Variants in CAV1 observed in about 807,000 individuals in gnomAD.
The protein encoded by CAV1 is caveolin-1.
In CAV1, 10 loss-of-function variants were observed where a neutral mutation model predicts 16.5. The ratio of observed to expected loss-of-function variants is 0.61; its 90% CI spans 0.37 to 1.03. CAV1 has a LOEUF of 1.03. Ranked by LOEUF, CAV1 falls within the 50% of genes least tolerant of loss-of-function variation. The probability of loss-of-function intolerance (pLI) is 0.01; values close to 1 mark genes in which losing one functional copy is unlikely to be tolerated. For synonymous variants in CAV1, 76 were observed against 85.1 expected (o/e 0.89, Z 0.59); for missense variants, 212 against 232.8 (o/e 0.91, Z 0.58).
chr7:116,525,080 C>T lies in CAV1; in HGVS notation c.18C>T (p.Tyr6=), dbSNP rs1182107606. The change falls in exon 1 of 3, where the codon TAC becomes TAT. Residue 6 remains tyrosine, a synonymous_variant. Coordinates refer to ENST00000341049, the MANE Select transcript of CAV1 (RefSeq NM_001753.5). ...GGGCCAGCATGTCTGGGGGCAAATA[C>T]GTAGACTCGGAGGTAGGCATCCGTG... MSGGK[Y]VDSEGHLYTV... The T allele has an allele frequency of 2.5e-6, 4 of 1,614,092 alleles. No homozygotes were observed. Among genetic ancestry groups the T allele is most frequent in the African/African-American group, 2.7e-5 (2 of 74,918 alleles).
chr7:116,543,430 A>C (rs542686226), intron 2 of CAV1, among the ~76,000 whole-genome samples: 78 of 152,334 alleles, frequency 5.1e-4, no homozygotes, highest in Non-Finnish European at 7.1e-4. Context: ...ATGCAAAAGG[A>C]CCACAAATAA....
intron 2 of CAV1, 49 bp from the exon 3 acceptor site, chr7:116,558,897 T>TC: frequency 7.1e-7 from 1 of 1,406,144 alleles, no homozygotes. Flanking sequence ...GGGTTTTTTT[T>TC]CTCTTTTCTT....
chr7:116,540,123 T>C (rs1215707974), intron 2 of CAV1, among the ~76,000 whole-genome samples: 1 of 152,208 alleles, frequency 6.6e-6, no homozygotes, highest in Non-Finnish European at 1.5e-5. Flanking sequence ...AGCTCTGAGA[T>C]TTTGTGTGCT....
At chr7:116,535,008 C>A (rs1183142716) in intron 2 of CAV1, among the ~76,000 whole-genome samples, 1 of 152,156 alleles carries the variant, frequency 6.6e-6, no homozygotes, top group Non-Finnish European at 1.5e-5. Context: ...TTCTCCATCC[C>A]TTCAGGCTAC....
intron 2 of CAV1, chr7:116,526,941 G>A (rs1793577488): frequency 1.8e-6 from 1 of 552,720 alleles, no homozygotes; most frequent in South Asian, 2.0e-5. Flanking sequence ...GAGTTTTGTA[G>A]AAGTTCCTAT....
intron 2 of CAV1, among the ~76,000 whole-genome samples, chr7:116,537,265 C>T (rs1015347098): frequency 4.0e-5 from 6 of 151,892 alleles, no homozygotes; most frequent in Non-Finnish European, 4.4e-5. Context: ...CTGCATCCTG[C>T]GCTTGTCAGA....
At chr7:116,549,562 T>G (rs1236958361) in intron 2 of CAV1, among the ~76,000 whole-genome samples, 1 of 152,092 alleles carries the variant, frequency 6.6e-6, no homozygotes, top group Non-Finnish European at 1.5e-5. Context: ...TTTATTGTTT[T>G]TATTTATTTT....
intron 2 of CAV1, among the ~76,000 whole-genome samples, chr7:116,533,127 G>A (rs1239748398): frequency 6.6e-6 from 1 of 152,062 alleles, no homozygotes; most frequent in African/African-American, 2.4e-5. Context: ...GGATCATGAG[G>A]TTAGGAGAGC....
chr7:116,525,944 G>A (rs1404451042), intron 1 of CAV1: 4 of 631,314 alleles, frequency 6.3e-6, no homozygotes, highest in Non-Finnish European at 7.9e-6. Flanking sequence ...GCAGGGTGGG[G>A]GGCGCGGGCA....
intron 2 of CAV1, among the ~76,000 whole-genome samples, chr7:116,558,434 A>G (rs1229114732): frequency 6.6e-6 from 1 of 152,166 alleles, no homozygotes; most frequent in Non-Finnish European, 1.5e-5. Flanking sequence ...GAGAGATAAT[A>G]AGGTCCAAGG....
chr7:116,553,149 G>T (rs1187432380), intron 2 of CAV1, among the ~76,000 whole-genome samples: 1 of 152,046 alleles, frequency 6.6e-6, no homozygotes, highest in African/African-American at 2.4e-5. Flanking sequence ...AAAATAAAAT[G>T]TCCAGATTTT....
Position 116,560,974 on chromosome 7 carries a change from A to G in CAV1, c.*1687A>G, listed in dbSNP as rs1794398600. The G allele has an allele frequency of 1.3e-5, 2 of 152,676 alleles. No homozygotes were observed. The allele number at this position is 152,676 out of a possible 1,614,324, so 9.5% of individuals were successfully genotyped here. ...TATCTTTATATGAAGAAAATCACTT[A>G]GGAAATGGCTTTGTGATTCAATCTG... On this transcript the variant is annotated 3_prime_UTR_variant, in exon 3 of 3. Coordinates refer to ENST00000341049, the MANE Select transcript of CAV1 (RefSeq NM_001753.5).
At chr7:116,533,151 C>A (rs1467972463) in intron 2 of CAV1, among the ~76,000 whole-genome samples, 1 of 151,976 alleles carries the variant, frequency 6.6e-6, no homozygotes, top group Non-Finnish European at 1.5e-5. Context: ...ATCATCCTGG[C>A]CAACACGGTG....
Position 116,526,554 on chromosome 7 carries a change from A to G in CAV1, c.60A>G (p.Glu20=), listed in dbSNP as rs368064633. The part of the protein sequence containing the change: ...EGHLYTVPIR[E]QGNIYKPNNK... Reference sequence around the variant, plus strand: ...ATCTCTACACCGTTCCCATCCGGGAACAGGGCAACATCTACAAGCCCAACA... The same window carrying G: ...ATCTCTACACCGTTCCCATCCGGGAGCAGGGCAACATCTACAAGCCCAACA... Residue 20 remains glutamate (E), a synonymous_variant, in exon 2 of 3, where the codon GAA becomes GAG. Transcript: ENST00000341049. 4 of 1,614,110 alleles carry G rather than the reference A, an allele frequency of 2.5e-6. No individual in the cohort carries two copies. The highest frequency in any genetic ancestry group is 2.5e-6 in the Non-Finnish European group (3 of 1,180,014).
chr7:116,546,702 A>AAAAAAAAAAAAAAAAAAT (rs1554356427), intron 2 of CAV1, among the ~76,000 whole-genome samples: 5 of 143,048 alleles, frequency 3.5e-5, no homozygotes, highest in African/African-American at 7.9e-5. Context: ...TGTCACAAAA[A>AAAAAAAAAAAAAAAAAAT]AAAAAAAAAA....
chr7:116,535,807 G>A (rs528045050), intron 2 of CAV1, among the ~76,000 whole-genome samples: 9 of 152,290 alleles, frequency 5.9e-5, no homozygotes, highest in African/African-American at 2.2e-4. Flanking sequence ...CATGGCAGGG[G>A]AAGTACATAT....
intron 2 of CAV1, among the ~76,000 whole-genome samples, chr7:116,543,816 G>GTTTGT (rs1474480518): frequency 6.6e-6 from 1 of 152,062 alleles, no homozygotes; most frequent in Non-Finnish European, 1.5e-5. Context: ...CATTTCTATC[G>GTTTGT]TTTGTTTTGT....
chr7:116,526,044 G>T (rs531756612), intron 1 of CAV1: 8 of 197,802 alleles, frequency 4.0e-5, no homozygotes, highest in African/African-American at 1.9e-4. Flanking sequence ...AAAGCTGGAA[G>T]GGATTACCGG....
rs1272405139 is a variant in CAV1, at chr7:116,559,142, T to C, written c.392T>C (p.Val131Ala). Residue 131 changes from valine (V) to alanine (A), a missense_variant, in exon 3 of 3, where the codon GTA becomes GCA. Physicochemically the swap from Val to Ala is moderately conservative, Grantham distance 64 (BLOSUM62 0). Coordinates refer to ENST00000341049, the MANE Select transcript of CAV1 (RefSeq NM_001753.5). ...ILSFLHIWAV[V>A]PCIKSFLIEI... ...TCTTTCCTGCACATCTGGGCAGTTG[T>C]ACCATGCATTAAGAGCTTCCTGATT... 5 of 1,613,958 alleles carry C rather than the reference T, an allele frequency of 3.1e-6. No homozygotes were observed. Among genetic ancestry groups the C allele is most frequent in the Non-Finnish European group, 4.2e-6 (5 of 1,179,908 alleles).
Sources: allele counts gnomAD v4.1 joint callset (sites outside exome capture counted in the v4.1 genomes callset), GRCh38; gene constraint gnomAD v4.1.1; transcripts MANE v1.5; gene names NCBI Gene and HGNC (gene_info 2026-07-23, HGNC 2026-07-21).